Variants in AP2A2 observed in about 807,000 individuals in gnomAD.
The protein encoded by AP2A2 is adaptor related protein complex 2 subunit alpha 2.
In AP2A2, 32 loss-of-function variants were observed where a neutral mutation model predicts 104.2. That is an observed-to-expected ratio of 0.31 (90% CI 0.23 to 0.41). The LOEUF is 0.41. AP2A2 is among the 10% of genes least tolerant of loss of function. The pLI, the probability that AP2A2 is intolerant of heterozygous loss-of-function variation, is 1.00. For missense variants in AP2A2, 912 were observed against 1,261.0 expected (o/e 0.72, Z 4.19); for synonymous variants, 539 against 533.3 (o/e 1.01, Z -0.15).
At chr11:960,268 A>G (rs1854385391) in intron 2 of AP2A2, among the ~76,000 whole-genome samples, 2 of 144,348 alleles carry the variant, frequency 1.4e-5, no homozygotes, top group South Asian at 4.4e-4. Flanking sequence ...TTTGAGATGG[A>G]GTCTTGCTCT....
intron 3 of AP2A2, 107 bp downstream of exon 3, chr11:970,418 G>C: frequency 7.1e-7 from 1 of 1,415,524 alleles, no homozygotes. Flanking sequence ...CACAGCTGAC[G>C]TGAGCCACGT....
chr11:951,707 G>T (rs1200592809), intron 1 of AP2A2, among the ~76,000 whole-genome samples: 1 of 152,202 alleles, frequency 6.6e-6, no homozygotes, highest in Non-Finnish European at 1.5e-5. Flanking sequence ...CCAGGGTCAC[G>T]TAGCTAGTAA....
chr11:996,486 T>C (rs11246374), intron 14 of AP2A2, among the ~76,000 whole-genome samples: 23,287 of 152,196 alleles, frequency 0.15, 1,993 homozygotes, highest in Non-Finnish European at 0.2. Flanking sequence ...CTTTTTAATG[T>C]GGGTCCTGAG....
rs1855545252 is a variant in AP2A2 at position 988,654 on chromosome 11, C to T, written c.1234C>T (p.Leu412=). The stretch of plus-strand genomic sequence containing the variant: ...GATCGTGGCCGAGATGCTGAGCTAT[C>T]TGGAGACAGCTGACTACTCCATCCG... The part of the protein sequence containing the change: ...PQIVAEMLSY[L]ETADYSIREE... The change falls in exon 10 of 22, where the codon CTG becomes TTG. Residue 412 remains leucine (L), a synonymous_variant. Coordinates refer to ENST00000448903, the MANE Select transcript of AP2A2 (RefSeq NM_012305.4). 6.2e-7 allele frequency: 1 copy of T among 1,613,770 alleles called. No homozygotes were observed. Among genetic ancestry groups the T allele is most frequent in the Admixed American group, 1.7e-5 (1 of 60,032 alleles).
chr11:961,812 G>A (rs7948025), intron 2 of AP2A2, among the ~76,000 whole-genome samples: 4 of 130,856 alleles, frequency 3.1e-5, no homozygotes, highest in Non-Finnish European at 6.3e-5. Flanking sequence ...TCGCCGCCAC[G>A]AGTGAAAAGT....
Position 984,698 on chromosome 11 carries a change from G to T in AP2A2, c.759G>T (p.Pro253=). The T allele has an allele frequency of 6.2e-7, 1 of 1,613,626 alleles. No individual in the cohort carries two copies. Among genetic ancestry groups the T allele is most frequent in the Non-Finnish European group, 8.5e-7 (1 of 1,179,832 alleles). Residue 253 remains proline, a synonymous_variant, in exon 7 of 22, where the codon CCG becomes CCT. Coordinates refer to ENST00000448903, the MANE Select transcript of AP2A2 (RefSeq NM_012305.4). ...AGGATTACACTTACTATTTTGTCCC[G>T]GCTCCCTGGCTGTCTGTCAAACTGC... ...DLQDYTYYFV[P]APWLSVKLLR...
At chr11:952,197 C>T (rs886111277) in intron 1 of AP2A2, among the ~76,000 whole-genome samples, 3 of 152,220 alleles carry the variant, frequency 2.0e-5, no homozygotes, top group Non-Finnish European at 4.4e-5. Flanking sequence ...GACTAAAACT[C>T]TGTAGACCAA....
chr11:1,002,686 C>T (rs1259945867), intron 15 of AP2A2, among the ~76,000 whole-genome samples: 1 of 152,280 alleles, frequency 6.6e-6, no homozygotes, highest in Non-Finnish European at 1.5e-5. Context: ...TCTTCCTGGC[C>T]TGGTCTCCAT....
chr11:1,002,190 A>C (rs932244306), intron 15 of AP2A2, among the ~76,000 whole-genome samples: 4 of 152,150 alleles, frequency 2.6e-5, no homozygotes, highest in Non-Finnish European at 5.9e-5. Context: ...GACAGATTTT[A>C]CTTTAAAGTG....
At chr11:962,302 C>T (rs1024102598) in intron 2 of AP2A2, among the ~76,000 whole-genome samples, 9 of 152,346 alleles carry the variant, frequency 5.9e-5, no homozygotes, top group African/African-American at 2.2e-4. Context: ...AGTGTGAATC[C>T]ATTTTGTTAT....
intron 2 of AP2A2, among the ~76,000 whole-genome samples, chr11:967,770 A>G (rs1201047068): frequency 6.6e-6 from 1 of 152,146 alleles, no homozygotes; most frequent in East Asian, 1.9e-4. Flanking sequence ...CTGGAGCCCA[A>G]ACTTAATCGT....
intron 8 of AP2A2, among the ~76,000 whole-genome samples, chr11:986,341 G>C (rs980374651): frequency 6.6e-6 from 1 of 152,238 alleles, no homozygotes; most frequent in African/African-American, 2.4e-5. Context: ...AGAAAGCTCT[G>C]TTGTTATGTG....
At chr11:930,971 A>G (rs1853273852) in intron 1 of AP2A2, among the ~76,000 whole-genome samples, 1 of 152,218 alleles carries the variant, frequency 6.6e-6, no homozygotes, top group Non-Finnish European at 1.5e-5. Context: ...TAGCACCTGT[A>G]GCTTTGTGTA....
chr11:927,248 GA>G (rs1410776632), intron 1 of AP2A2, among the ~76,000 whole-genome samples: 1 of 95,308 alleles, frequency 1.0e-5, no homozygotes, highest in Non-Finnish European at 2.5e-5. Flanking sequence ...TTTTTGTAGA[GA>G]TGGGGGGGTC....
chr11:1,009,637 C>T (rs1176837656), intron 20 of AP2A2, 46 bp from the exon 21 acceptor site: 2 of 1,473,436 alleles, frequency 1.4e-6, no homozygotes, highest in Non-Finnish European at 1.8e-6. Context: ...GACACGCTGC[C>T]CGCGACCCCG....
intron 1 of AP2A2, among the ~76,000 whole-genome samples, chr11:934,158 A>G (rs898909140): frequency 1.9e-4 from 28 of 151,052 alleles, no homozygotes; most frequent in African/African-American, 6.3e-4. Flanking sequence ...ACCTCAGGAA[A>G]CTCCAGGTCG....
chr11:998,846 A>C (rs1209064525), intron 14 of AP2A2, among the ~76,000 whole-genome samples: 1 of 152,136 alleles, frequency 6.6e-6, no homozygotes, highest in Non-Finnish European at 1.5e-5. Context: ...GGCGTGTGCC[A>C]CCACACCCAG....
intron 1 of AP2A2, among the ~76,000 whole-genome samples, chr11:944,667 G>T (rs1853773476): frequency 6.6e-6 from 1 of 152,126 alleles, no homozygotes; most frequent in Admixed American, 6.6e-5. Flanking sequence ...GAATGATCAG[G>T]GCCGGCCCTT....
intron 17 of AP2A2, chr11:1,007,633 C>T (rs1257091950): frequency 6.8e-6 from 2 of 295,494 alleles, no homozygotes; most frequent in African/African-American, 4.5e-5. Flanking sequence ...CTGTGTCTCG[C>T]TGTTTCAGGA....
Sources: allele counts gnomAD v4.1 joint callset (sites outside exome capture counted in the v4.1 genomes callset), GRCh38; gene constraint gnomAD v4.1.1; transcripts MANE v1.5; gene names NCBI Gene and HGNC (gene_info 2026-07-23, HGNC 2026-07-21).